The following ERC1 variants were observed in gnomAD, a reference collection of about 807,000 sequenced individuals.
The protein encoded by ERC1 is ELKS/RAB6-interacting/CAST family member 1, also known as RAB6 interacting protein 2.
ERC1 carries 56 observed loss-of-function variants against 132.0 expected under a neutral mutation model. The ratio of observed to expected loss-of-function variants is 0.42; its 90% CI spans 0.34 to 0.53. The LOEUF (loss-of-function observed/expected upper bound fraction) is 0.53, where lower values mean the gene tolerates loss of function less well. ERC1 is among the 20% of genes least tolerant of loss of function. The pLI, the probability that ERC1 is intolerant of heterozygous loss-of-function variation, is 0.03. For synonymous variants in ERC1, 478 were observed against 476.1 expected (o/e 1.00, Z -0.05); for missense variants, 1,202 against 1,349.9 (o/e 0.89, Z 1.72).
chr12:1,381,371 A>G (rs1440679740), intron 16 of ERC1: 1 of 150,924 alleles, frequency 6.6e-6, no homozygotes, highest in Non-Finnish European at 1.5e-5. Flanking sequence ...TTTTTAATAA[A>G]GACAGAGACT....
intron 15 of ERC1, among the ~76,000 whole-genome samples, chr12:1,322,867 T>C (rs1339317955): frequency 6.6e-6 from 1 of 152,168 alleles, no homozygotes; most frequent in East Asian, 1.9e-4. Flanking sequence ...TTAATTCAGT[T>C]ATCTCAAATT....
At chr12:1,044,916 G>C (rs910918706) in intron 2 of ERC1, among the ~76,000 whole-genome samples, 1 of 152,058 alleles carries the variant, frequency 6.6e-6, no homozygotes, top group African/African-American at 2.4e-5. Flanking sequence ...ACTCATCCAT[G>C]AATTATGGAG....
intron 16 of ERC1, among the ~76,000 whole-genome samples, chr12:1,405,589 G>A (rs954445999): frequency 1.3e-5 from 2 of 152,134 alleles, no homozygotes. Context: ...TGTAATCCCA[G>A]CTACTCGGGA....
chr12:1,205,264 A>G (rs2189788), intron 12 of ERC1, among the ~76,000 whole-genome samples: 66,056 of 151,754 alleles, frequency 0.44, 16,215 homozygotes, highest in African/African-American at 0.67. Context: ...ATGAGCCATG[A>G]CAATATAAAG....
At chr12:1,226,469 G>A (rs923605791) in intron 12 of ERC1, among the ~76,000 whole-genome samples, 6 of 152,194 alleles carry the variant, frequency 3.9e-5, no homozygotes, top group South Asian at 4.1e-4. Flanking sequence ...TTTCAAGTGC[G>A]CCGAACAGTA....
At chr12:1,109,128 A>G (rs1448603060) in intron 4 of ERC1, among the ~76,000 whole-genome samples, 2 of 152,198 alleles carry the variant, frequency 1.3e-5, no homozygotes, top group Non-Finnish European at 1.5e-5. Context: ...TATTCATTCC[A>G]TGTAGGAGTC....
chr12:1,430,979 C>G (rs1189223220), intron 17 of ERC1, among the ~76,000 whole-genome samples: 1 of 152,068 alleles, frequency 6.6e-6, no homozygotes, highest in African/African-American at 2.4e-5. Context: ...AGGAAATGTC[C>G]CAAATGGTTT....
chr12:1,434,002 G>C (rs1324156234), intron 17 of ERC1, among the ~76,000 whole-genome samples: 1 of 149,230 alleles, frequency 6.7e-6, no homozygotes, highest in Non-Finnish European at 1.5e-5. Context: ...AAAAAAAAAG[G>C]TGTACTCCCT....
chr12:1,283,354 A>G (rs1309751249), intron 14 of ERC1, among the ~76,000 whole-genome samples: 1 of 152,138 alleles, frequency 6.6e-6, no homozygotes, highest in African/African-American at 2.4e-5. Flanking sequence ...ATTGTTTAGT[A>G]TAGGATTTAT....
chr12:1,084,722 C>T (rs897394984), intron 3 of ERC1, among the ~76,000 whole-genome samples: 6 of 151,580 alleles, frequency 4.0e-5, no homozygotes, highest in Non-Finnish European at 8.8e-5. Context: ...GATAGGGTCT[C>T]ACTCTGTCAC....
At chr12:1,322,092 A>G (rs1229925113) in intron 15 of ERC1, among the ~76,000 whole-genome samples, 1 of 152,068 alleles carries the variant, frequency 6.6e-6, no homozygotes, top group Non-Finnish European at 1.5e-5. Context: ...TAAGTTTGTG[A>G]TAGTAGATTG....
At chr12:1,449,652 TA>T (rs1466148672) in intron 18 of ERC1, among the ~76,000 whole-genome samples, 2 of 151,980 alleles carry the variant, frequency 1.3e-5, no homozygotes, top group African/African-American at 4.8e-5. Context: ...TATTTCTTCA[TA>T]GCAGCGTGAG....
intron 18 of ERC1, among the ~76,000 whole-genome samples, chr12:1,457,912 G>GA (rs1204350822): frequency 6.6e-6 from 1 of 151,894 alleles, no homozygotes; most frequent in South Asian, 2.1e-4. Context: ...AAAAGAAAAA[G>GA]AAAAAAAAGT....
intron 4 of ERC1, among the ~76,000 whole-genome samples, chr12:1,105,383 A>C (rs1023737828): frequency 6.6e-6 from 1 of 151,878 alleles, no homozygotes; most frequent in African/African-American, 2.4e-5. Flanking sequence ...TTTGAGATGG[A>C]GTCTCGCTCT....
intron 18 of ERC1, among the ~76,000 whole-genome samples, chr12:1,473,163 T>G (rs188651185): frequency 2.1e-4 from 32 of 152,186 alleles, no homozygotes; most frequent in East Asian, 9.7e-4. Flanking sequence ...GTAGCTAGGA[T>G]TACAGGCACG....
At chr12:1,243,059 C>T (rs895256014) in intron 13 of ERC1, among the ~76,000 whole-genome samples, 5 of 151,294 alleles carry the variant, frequency 3.3e-5, no homozygotes, top group South Asian at 2.1e-4. Context: ...CGGTGGCGGG[C>T]GCCTGTAGTC....
chr12:1,114,165 A>G (rs1593381253), intron 6 of ERC1, among the ~76,000 whole-genome samples: 1 of 152,100 alleles, frequency 6.6e-6, no homozygotes, highest in East Asian at 1.9e-4. Flanking sequence ...CTGGGATTAC[A>G]GGCATGCGCC....
chr12:1,220,905 C>T (rs868786711), intron 12 of ERC1, among the ~76,000 whole-genome samples: 2 of 152,172 alleles, frequency 1.3e-5, no homozygotes, highest in African/African-American at 4.8e-5. Flanking sequence ...CTGTTTCCTT[C>T]GTGAGGAACA....
intron 16 of ERC1, among the ~76,000 whole-genome samples, chr12:1,404,319 A>G (rs756900308): frequency 1.3e-5 from 2 of 151,540 alleles, no homozygotes; most frequent in South Asian, 4.2e-4. Context: ...TTATTCATTC[A>G]TTTATTTACT....
Sources: gnomAD v4.1 joint callset for allele counts (sites outside exome capture counted in the v4.1 genomes callset) on GRCh38, gnomAD v4.1.1 for gene constraint, MANE v1.5 for transcripts, NCBI Gene and HGNC (gene_info 2026-07-23, HGNC 2026-07-21) for gene names.